The following GPC5 variants were observed in gnomAD, a reference collection of about 807,000 sequenced individuals.
GPC5 encodes glypican 5.
Under a neutral mutation model 53.9 loss-of-function variants are expected in GPC5, and 47 were observed. The ratio of observed to expected loss-of-function variants is 0.87; its 90% CI spans 0.69 to 1.11. The LOEUF (loss-of-function observed/expected upper bound fraction) is 1.11. GPC5 is among the 50% of genes most tolerant of loss of function. The pLI, the probability that GPC5 is intolerant of heterozygous loss-of-function variation, is 0.00. For synonymous variants in GPC5, 286 were observed against 263.3 expected (o/e 1.09, Z -0.84); for missense variants, 748 against 713.1 (o/e 1.05, Z -0.56).
intron 2 of GPC5, among the ~76,000 whole-genome samples, chr13:91,569,051 G>C (rs756793728): frequency 3.2e-4 from 49 of 152,122 alleles, no homozygotes; most frequent in Non-Finnish European, 6.5e-4. Flanking sequence ...GCTCCTGGCT[G>C]TTATCTCTTT....
chr13:91,571,388 C>T (rs2031772544), intron 2 of GPC5, among the ~76,000 whole-genome samples: 1 of 152,092 alleles, frequency 6.6e-6, no homozygotes, highest in Non-Finnish European at 1.5e-5. Flanking sequence ...AGAGAATGTA[C>T]TGCATATTTT....
chr13:92,612,590 C>T (rs1443819808), intron 7 of GPC5, among the ~76,000 whole-genome samples: 1 of 152,042 alleles, frequency 6.6e-6, no homozygotes, highest in African/African-American at 2.4e-5. Context: ...GCAACTTTTG[C>T]ATCAAAGACA....
chr13:92,238,579 TC>T (rs1360090568), intron 7 of GPC5, among the ~76,000 whole-genome samples: 2 of 152,042 alleles, frequency 1.3e-5, no homozygotes, highest in African/African-American at 4.8e-5. Context: ...GTTATAAGAG[TC>T]CTTATGTATT....
At position 91,903,017 on chromosome 13, in the gene GPC5, T is replaced by A. The variant is rs144105922; in HGVS notation, c.1281-4920T>A. Among the ~76,000 whole-genome samples, 369 of 137,686 alleles carry A rather than the reference T, an allele frequency of 2.7e-3. 11 individuals carry two copies. The East Asian group carries it at 0.064, about 24-fold the overall frequency. The allele number at this position is 137,686 out of a possible 152,430, so 90.3% of individuals were successfully genotyped here. On this transcript the variant is annotated intron_variant, in intron 5 of 7. Coordinates refer to ENST00000377067, the MANE Select transcript of GPC5 (RefSeq NM_004466.6). ...AACAGTAAAACACCCAAATCTTAAC[T>A]GTACAGCTCAGTACTTTTTTTTTTT...
intron 7 of GPC5, among the ~76,000 whole-genome samples, chr13:92,417,039 C>T (rs551400253): frequency 1.3e-5 from 2 of 152,210 alleles, no homozygotes; most frequent in African/African-American, 4.8e-5. Flanking sequence ...TGTATTTAAC[C>T]CTATTTAAGT....
intron 5 of GPC5, among the ~76,000 whole-genome samples, chr13:91,841,762 G>A (rs573836999): frequency 7.9e-5 from 12 of 152,262 alleles, no homozygotes; most frequent in African/African-American, 2.6e-4. Flanking sequence ...AGGAAGAAAA[G>A]AAAGCAAGTG....
At chr13:92,216,706 G>A (rs73627730) in intron 7 of GPC5, among the ~76,000 whole-genome samples, 4,734 of 152,164 alleles carry the variant, frequency 0.031, 258 homozygotes, top group African/African-American at 0.11. Context: ...CAAGCCAGGC[G>A]CGGTGGCTCA....
intron 6 of GPC5, among the ~76,000 whole-genome samples, chr13:91,931,321 C>A (rs1309989682): frequency 2.0e-5 from 3 of 151,992 alleles, no homozygotes; most frequent in African/African-American, 4.8e-5. Context: ...CAAAAAGCAA[C>A]TCGGTAAAAA....
At position 92,381,889 on chromosome 13, in the gene GPC5, T is replaced by TCATATATATCATATATATCATATATATGA. The variant is rs753025655; in HGVS notation, c.1561+236900_1561+236901insCATATATATCATATATATCATATATATGA. Among the ~76,000 whole-genome samples, 27 of 122,174 alleles carry TCATATATATCATATATATCATATATATGA rather than the reference T, an allele frequency of 2.2e-4. 2 individuals are homozygous for TCATATATATCATATATATCATATATATGA. In the East Asian group the frequency reaches 3.3e-3, roughly 15 times the overall value. 80.2% of individuals were successfully genotyped at this position (122,174 alleles called of 152,430 possible). A position where few individuals can be genotyped will look rare whatever the true frequency, so the allele number is the denominator to read the frequency against. On this transcript the variant is annotated intron_variant, in intron 7 of 7. Coordinates refer to ENST00000377067, the MANE Select transcript of GPC5 (RefSeq NM_004466.6). ...TATATCATATATATGATTATATATA[T>TCATATATATCATATATATCATATATATGA]TATATATAATCATATATATGATATA... is the stretch of plus-strand genomic sequence containing the variant.
At chr13:92,444,763 GAGAA>G (rs147123407) in intron 7 of GPC5, among the ~76,000 whole-genome samples, 49 of 138,440 alleles carry the variant, frequency 3.5e-4, no homozygotes, top group African/African-American at 1.3e-3. Flanking sequence ...GGGATGGGTA[GAGAA>G]AGAAAGAAAC....
rs376635477 is a variant in GPC5 at position 92,178,573 on chromosome 13, T to C, written c.1561+33584T>C. ...TTATATGCCAGCTCCTTAAAATGTGTTAATATTATATATCAACAGTTGCTA... is the reference window on the plus strand; with the variant it reads ...TTATATGCCAGCTCCTTAAAATGTGCTAATATTATATATCAACAGTTGCTA... On this transcript the variant is annotated intron_variant, in intron 7 of 7. Coordinates refer to ENST00000377067, the MANE Select transcript of GPC5 (RefSeq NM_004466.6). Among the ~76,000 whole-genome samples the C allele has an allele frequency of 2.0e-5, 3 of 152,034 alleles. No homozygotes were observed. The East Asian group carries it at 5.8e-4, about 29-fold the overall frequency.
chr13:91,495,746 G>C (rs1435479479), intron 2 of GPC5, among the ~76,000 whole-genome samples: 2 of 152,220 alleles, frequency 1.3e-5, no homozygotes, highest in South Asian at 2.1e-4. Flanking sequence ...AATGAATCTT[G>C]TTGTGGCGGC....
intron 6 of GPC5, among the ~76,000 whole-genome samples, chr13:91,926,995 C>A (rs7327372): frequency 0.068 from 10,299 of 152,242 alleles, 498 homozygotes; most frequent in African/African-American, 0.13. Context: ...AAAGGAACAT[C>A]TACTGAAATC....
intron 7 of GPC5, among the ~76,000 whole-genome samples, chr13:92,694,539 A>G (rs140483149): frequency 9.2e-5 from 14 of 152,302 alleles, no homozygotes; most frequent in Non-Finnish European, 1.5e-4. Context: ...GCCTCTCTGT[A>G]TTTTGGATTT....
chr13:92,196,031 C>T (rs1312602299), intron 7 of GPC5, among the ~76,000 whole-genome samples: 1 of 152,094 alleles, frequency 6.6e-6, no homozygotes, highest in Non-Finnish European at 1.5e-5. Flanking sequence ...CCAGTTGAGG[C>T]AGGCGCTCAG....
intron 2 of GPC5, among the ~76,000 whole-genome samples, chr13:91,670,626 A>C (rs2035222167): frequency 6.6e-6 from 1 of 152,200 alleles, no homozygotes; most frequent in Non-Finnish European, 1.5e-5. Flanking sequence ...GCTGTCTACC[A>C]CCAATCATTG....
At chr13:92,260,547 A>T (rs142459174) in intron 7 of GPC5, among the ~76,000 whole-genome samples, 27 of 152,098 alleles carry the variant, frequency 1.8e-4, no homozygotes, top group African/African-American at 6.3e-4. Flanking sequence ...CTTGCCTTAC[A>T]TCCTGTTTTC....
At chr13:91,724,202 C>T (rs2036531038) in intron 3 of GPC5, among the ~76,000 whole-genome samples, 1 of 152,102 alleles carries the variant, frequency 6.6e-6, no homozygotes, top group Non-Finnish European at 1.5e-5. Flanking sequence ...TATAATGGAG[C>T]ACAGCACATG....
chr13:92,607,801 C>T (rs1020649095), intron 7 of GPC5, among the ~76,000 whole-genome samples: 2 of 152,008 alleles, frequency 1.3e-5, no homozygotes, highest in Non-Finnish European at 2.9e-5. Flanking sequence ...ACCCTTTTAC[C>T]AATTATCAAG....
Sources: allele counts gnomAD v4.1 joint callset (sites outside exome capture counted in the v4.1 genomes callset), GRCh38; gene constraint gnomAD v4.1.1; transcripts MANE v1.5; gene names NCBI Gene and HGNC (gene_info 2026-07-23, HGNC 2026-07-21).